RERE: variants seen among roughly 807,000 people sequenced by gnomAD.
RERE encodes arginine-glutamic acid dipeptide repeats protein.
A neutral mutation model predicts 146.1 loss-of-function variants in RERE; 40 were observed. The ratio of observed to expected loss-of-function variants is 0.27; its 90% CI spans 0.21 to 0.36. The LOEUF (loss-of-function observed/expected upper bound fraction) is 0.36, where lower values mean the gene tolerates loss of function less well. Among genes scored for constraint, RERE ranks in the 10% least tolerant of loss-of-function variants. RERE has a pLI of 1.00. For synonymous variants in RERE, 1,003 were observed against 866.0 expected, an observed-to-expected ratio of 1.16 and a Z score of -2.78; for missense variants, 1,933 against 2,138.7, an observed-to-expected ratio of 0.90 and a Z score of 1.90.
At chr1:8,652,190 GC>G (rs1056218439) in intron 2 of RERE, among the ~76,000 whole-genome samples, 1 of 152,118 alleles carries the variant, frequency 6.6e-6, no homozygotes, top group Non-Finnish European at 1.5e-5. Context: ...CAAAGGCACA[GC>G]CCCCACTCAA....
intron 12 of RERE, among the ~76,000 whole-genome samples, chr1:8,373,722 A>C (rs746928793): frequency 1.3e-5 from 2 of 152,192 alleles, no homozygotes; most frequent in Non-Finnish European, 2.9e-5. Flanking sequence ...CTGGCATGGA[A>C]TCCTATGCGA....
chr1:8,384,908 C>A (rs555821522), intron 12 of RERE, among the ~76,000 whole-genome samples: 2 of 152,320 alleles, frequency 1.3e-5, no homozygotes, highest in African/African-American at 4.8e-5. Context: ...AGCTCTCAGC[C>A]GATGCAACAA....
chr1:8,384,143 G>A lies in RERE; in HGVS notation c.1285-18169C>T, dbSNP rs185886361. On this transcript the variant is annotated intron_variant, in intron 12 of 22. Transcript: ENST00000400908. ...ACCGCCTCACCCCAAAGCCTCCTTG[G>A]GTCCACTGCTTCCTCAGGTCGGGGT... 4.5e-4 allele frequency among the ~76,000 whole-genome samples: 69 copies of A among 152,242 alleles called. 2 individuals are homozygous for A. In the East Asian group the frequency reaches 0.013, roughly 28 times the overall value.
chr1:8,755,444 C>G (rs993605249), intron 1 of RERE, among the ~76,000 whole-genome samples: 2 of 152,144 alleles, frequency 1.3e-5, no homozygotes, highest in African/African-American at 4.8e-5. Flanking sequence ...TTTTGTAGAT[C>G]TGTTGTTTAT....
At chr1:8,787,689 G>T (rs952299147) in intron 1 of RERE, among the ~76,000 whole-genome samples, 8 of 151,950 alleles carry the variant, frequency 5.3e-5, no homozygotes, top group African/African-American at 1.5e-4. Context: ...AAATTAGCCA[G>T]GCGTCGTGGT....
intron 1 of RERE, among the ~76,000 whole-genome samples, chr1:8,684,061 C>T (rs1463897009): frequency 6.6e-6 from 1 of 152,164 alleles, no homozygotes; most frequent in African/African-American, 2.4e-5. Flanking sequence ...GTTAACAATA[C>T]TACTTCACAG....
At chr1:8,401,069 A>ATATATATGTATG (rs761609705) in intron 12 of RERE, among the ~76,000 whole-genome samples, 5 of 85,114 alleles carry the variant, frequency 5.9e-5, no homozygotes, top group Admixed American at 1.5e-4. Context: ...ATATATATAT[A>ATATATATGTATG]TATGTCACTT....
In RERE at chr1:8,545,218, T is replaced by C. The variant is rs191776543; in HGVS notation, c.726-3900A>G. ...TGTATCTAAAGCAATGCTTCACTGTTAACAGAAATATGACTAAAGACAGGG... is the reference window on the plus strand; with the variant it reads ...TGTATCTAAAGCAATGCTTCACTGTCAACAGAAATATGACTAAAGACAGGG... On this transcript the variant is annotated intron_variant, in intron 6 of 22. Transcript: ENST00000400908. Among the ~76,000 whole-genome samples, 103 of 152,318 alleles carry C rather than the reference T, an allele frequency of 6.8e-4. 1 individual carries two copies. Among genetic ancestry groups the C allele is most frequent in the African/African-American group, 2.4e-3 (101 of 41,562 alleles).
intron 10 of RERE, among the ~76,000 whole-genome samples, chr1:8,478,528 G>T (rs1322384475): frequency 6.6e-6 from 1 of 152,120 alleles, no homozygotes; most frequent in Non-Finnish European, 1.5e-5. Context: ...CAGGAGTGGG[G>T]CGCCCCAGTG....
At chr1:8,355,200 C>T in intron 22 of RERE, 80 bp from the exon 23 acceptor site, 1 of 1,472,720 alleles carries the variant, frequency 6.8e-7, no homozygotes, top group Non-Finnish European at 9.5e-7. Context: ...ACCCCAAAGA[C>T]AACAGCCAGG....
intron 5 of RERE, 113 bp downstream of exon 5, chr1:8,557,305 A>G: frequency 1.4e-6 from 1 of 712,842 alleles, no homozygotes; most frequent in Non-Finnish European, 2.5e-6. Context: ...AAGGCCTACC[A>G]ACACTCCAAA....
At chr1:8,529,820 G>T (rs552689462) in intron 7 of RERE, among the ~76,000 whole-genome samples, 11 of 152,238 alleles carry the variant, frequency 7.2e-5, no homozygotes, top group African/African-American at 2.4e-4. Context: ...CCATAATTAG[G>T]TTAGCCACTA....
At chr1:8,567,276 T>C (rs1646164577) in intron 4 of RERE, among the ~76,000 whole-genome samples, 2 of 152,182 alleles carry the variant, frequency 1.3e-5, no homozygotes, top group African/African-American at 4.8e-5. Context: ...CATCAGCATC[T>C]GGGTCTGTGT....
intron 11 of RERE, among the ~76,000 whole-genome samples, chr1:8,432,779 G>A (rs966981080): frequency 6.6e-6 from 1 of 152,118 alleles, no homozygotes; most frequent in African/African-American, 2.4e-5. Context: ...TACATGTTTG[G>A]TAGGATGGAA....
intron 7 of RERE, among the ~76,000 whole-genome samples, chr1:8,515,544 T>C (rs1229775213): frequency 1.3e-5 from 2 of 151,988 alleles, no homozygotes; most frequent in Non-Finnish European, 2.9e-5. Context: ...GGCAGGAGAA[T>C]TGCTTGAGTC....
intron 3 of RERE, among the ~76,000 whole-genome samples, chr1:8,618,312 A>G (rs1646880177): frequency 6.6e-6 from 1 of 152,196 alleles, no homozygotes; most frequent in Admixed American, 6.5e-5. Context: ...AGGTAACTAA[A>G]GAAAGTTAAG....
intron 10 of RERE, among the ~76,000 whole-genome samples, chr1:8,494,156 T>C (rs1338770692): frequency 6.6e-6 from 1 of 152,218 alleles, no homozygotes; most frequent in African/African-American, 2.4e-5. Flanking sequence ...TTAGCCTCAT[T>C]TCCCTTTACT....
At chr1:8,749,877 C>T (rs1052230677) in intron 1 of RERE, among the ~76,000 whole-genome samples, 1 of 152,160 alleles carries the variant, frequency 6.6e-6, no homozygotes, top group South Asian at 2.1e-4. Flanking sequence ...ACAGGCCAGG[C>T]GCAGTGGCTC....
rs147803029 is a variant in RERE at position 8,624,791 on chromosome 1, G to A, written c.326-411C>T. Among the ~76,000 whole-genome samples the A allele has an allele frequency of 7.6e-3, 1,155 of 152,232 alleles. 16 individuals are homozygous for A. The highest frequency in any genetic ancestry group is 0.026 in the African/African-American group (1,079 of 41,524). On this transcript the variant is annotated intron_variant, in intron 2 of 22. Transcript: ENST00000400908. ...CGAAAAAGAGAAACGGCTTTGCCACGTGCTACTATATTTGTAATAAATATT... is the reference window on the plus strand; with the variant it reads ...CGAAAAAGAGAAACGGCTTTGCCACATGCTACTATATTTGTAATAAATATT...
Sources: allele counts gnomAD v4.1 joint callset (sites outside exome capture counted in the v4.1 genomes callset), GRCh38; gene constraint gnomAD v4.1.1; transcripts MANE v1.5; gene names NCBI Gene and HGNC (gene_info 2026-07-23, HGNC 2026-07-21).